The following KALRN variants were observed in gnomAD, a reference collection of about 807,000 sequenced individuals.
The protein encoded by KALRN is kalirin.
In KALRN, 70 loss-of-function variants were observed where a neutral mutation model predicts 353.7. That is an observed-to-expected ratio of 0.20 (90% CI 0.16 to 0.24). KALRN has a LOEUF of 0.24. KALRN is among the 10% of genes least tolerant of loss of function. KALRN has a pLI of 1.00. For synonymous variants in KALRN, 1,391 were observed against 1,434.8 expected (o/e 0.97, Z 0.69); for missense variants, 2,791 against 3,756.7 (o/e 0.74, Z 6.72).
chr3:124,681,924 C>T (rs993264908), intron 51 of KALRN, among the ~76,000 whole-genome samples: 2 of 152,162 alleles, frequency 1.3e-5, no homozygotes, highest in African/African-American at 4.8e-5. Flanking sequence ...GCCAATGCAC[C>T]TGGCCTAAAC....
chr3:124,708,403 A>G (rs1457364282), intron 57 of KALRN, among the ~76,000 whole-genome samples: 1 of 152,260 alleles, frequency 6.6e-6, no homozygotes. Context: ...CTTGAAATGA[A>G]TGGAAAGATA....
intron 1 of KALRN, among the ~76,000 whole-genome samples, chr3:124,092,524 C>T (rs1402360316): frequency 6.6e-6 from 1 of 152,230 alleles, no homozygotes; most frequent in African/African-American, 2.4e-5. Context: ...TCCACTCAAC[C>T]TGTGCCCATG....
chr3:124,563,463 G>T (rs7624255), intron 34 of KALRN, among the ~76,000 whole-genome samples: 1 of 151,876 alleles, frequency 6.6e-6, no homozygotes, highest in Non-Finnish European at 1.5e-5. Flanking sequence ...ACCCACTCCC[G>T]CTCCACAGCA....
chr3:124,608,284 G>A (rs13063610), intron 34 of KALRN, among the ~76,000 whole-genome samples: 21,410 of 152,092 alleles, frequency 0.14, 1,835 homozygotes, highest in Admixed American at 0.2. Flanking sequence ...TAGGATTACA[G>A]GCATGAGATA....
At chr3:124,527,600 TAA>T (rs34131345) in intron 33 of KALRN, among the ~76,000 whole-genome samples, 1 of 142,132 alleles carries the variant, frequency 7.0e-6, no homozygotes. Flanking sequence ...CAAGACTGTT[TAA>T]AAAAAAAAAA....
At chr3:124,682,649 C>CA (rs746196962) in intron 51 of KALRN, among the ~76,000 whole-genome samples, 214 of 152,300 alleles carry the variant, frequency 1.4e-3, no homozygotes, top group Non-Finnish European at 2.6e-3. Context: ...TCTTTACTTA[C>CA]ACACTGGCTG....
At chr3:124,586,872 C>T (rs1009827189) in intron 34 of KALRN, among the ~76,000 whole-genome samples, 6 of 152,186 alleles carry the variant, frequency 3.9e-5, no homozygotes, top group Non-Finnish European at 8.8e-5. Flanking sequence ...AAGAAAACTC[C>T]TGCCTGTGGC....
chr3:124,584,584 C>A, intron 34 of KALRN: 1 of 1,357,650 alleles, frequency 7.4e-7, no homozygotes, highest in African/African-American at 1.5e-5. Context: ...GTCTCCTGCC[C>A]ACAGCTGGAC....
intron 11 of KALRN, among the ~76,000 whole-genome samples, chr3:124,389,642 TAC>T (rs1433179477): frequency 1.3e-5 from 2 of 152,328 alleles, no homozygotes. Context: ...AGTAAAATAT[TAC>T]ACAGTCATTC....
At chr3:124,165,498 A>G (rs139904858) in intron 1 of KALRN, among the ~76,000 whole-genome samples, 7 of 152,268 alleles carry the variant, frequency 4.6e-5, no homozygotes, top group African/African-American at 1.7e-4. Flanking sequence ...GCTTGTACCT[A>G]TCCACCTCCA....
At chr3:124,459,498 A>T (rs891219791) in intron 23 of KALRN, among the ~76,000 whole-genome samples, 1 of 152,186 alleles carries the variant, frequency 6.6e-6, no homozygotes, top group African/African-American at 2.4e-5. Context: ...CTTTCAGAAA[A>T]GTCCTGACTC....
At chr3:124,493,332 TCATTG>T (rs2063366552) in intron 32 of KALRN, among the ~76,000 whole-genome samples, 1 of 152,308 alleles carries the variant, frequency 6.6e-6, no homozygotes, top group South Asian at 2.1e-4. Flanking sequence ...AGTGGTGGTT[TCATTG>T]CAGGTCTTAC....
At chr3:124,605,009 A>G (rs2077188632) in intron 34 of KALRN, among the ~76,000 whole-genome samples, 1 of 152,110 alleles carries the variant, frequency 6.6e-6, no homozygotes, top group Non-Finnish European at 1.5e-5. Flanking sequence ...ATATATATAC[A>G]AAAATTAGCC....
chr3:124,690,273 T>C (rs987062426), intron 51 of KALRN, among the ~76,000 whole-genome samples: 4 of 152,122 alleles, frequency 2.6e-5, no homozygotes, highest in Admixed American at 2.0e-4. Flanking sequence ...CTGCAGTCCA[T>C]AGGGAGCCAC....
intron 1 of KALRN, among the ~76,000 whole-genome samples, chr3:124,112,419 G>A (rs1194524293): frequency 2.0e-5 from 3 of 152,096 alleles, no homozygotes; most frequent in Non-Finnish European, 4.4e-5. Context: ...CTGGGAGCAG[G>A]AGACCACAGA....
Position 124,595,556 on chromosome 3 carries a change from T to C in KALRN, c.5182+32467T>C, listed in dbSNP as rs112773135. ...AGGTTATTTCTGATTTTTGCTGTTA[T>C]AAACACTATGTAATGGCAATCATGG... On this transcript the variant is annotated intron_variant, in intron 34 of 59. Coordinates refer to ENST00000682506, the MANE Select transcript of KALRN (RefSeq NM_001388419.1). 4.3e-3 allele frequency among the ~76,000 whole-genome samples: 660 copies of C among 152,322 alleles called. 3 individuals are homozygous for C. Among genetic ancestry groups the C allele is most frequent in the African/African-American group, 0.016 (646 of 41,574 alleles).
chr3:124,184,478 TC>T (rs993932703), intron 1 of KALRN, among the ~76,000 whole-genome samples: 3 of 152,304 alleles, frequency 2.0e-5, no homozygotes, highest in African/African-American at 7.2e-5. Flanking sequence ...TCTACCTTGA[TC>T]CCCAGCCTCT....
intron 3 of KALRN, among the ~76,000 whole-genome samples, chr3:124,256,754 T>G (rs1181175751): frequency 2.0e-5 from 3 of 152,172 alleles, no homozygotes; most frequent in Admixed American, 6.5e-5. Context: ...GGACCTAACA[T>G]GCACCTAGAG....
chr3:124,262,200 G>T (rs2072976138), intron 3 of KALRN, among the ~76,000 whole-genome samples: 1 of 152,102 alleles, frequency 6.6e-6, no homozygotes, highest in Non-Finnish European at 1.5e-5. Flanking sequence ...GCATAAGATG[G>T]ACTATCACTA....
Sources: gnomAD v4.1 joint callset for allele counts (sites outside exome capture counted in the v4.1 genomes callset) on GRCh38, gnomAD v4.1.1 for gene constraint, MANE v1.5 for transcripts, NCBI Gene and HGNC (gene_info 2026-07-23, HGNC 2026-07-21) for gene names.